FBXO21: variants seen among roughly 807,000 people sequenced by gnomAD.
FBXO21 encodes the protein F-box only protein 21.
A neutral mutation model predicts 76.6 loss-of-function variants in FBXO21; 32 were observed. That is an observed-to-expected ratio of 0.42 (90% confidence interval 0.32 to 0.56). FBXO21 has a LOEUF of 0.56. Among genes scored for constraint, FBXO21 ranks in the 20% least tolerant of loss-of-function variants. The pLI, the probability that FBXO21 is intolerant of heterozygous loss-of-function variation, is 0.16. For synonymous variants in FBXO21, 328 were observed against 311.5 expected (o/e 1.05, Z -0.56); for missense variants, 586 against 797.3 (o/e 0.73, Z 3.19).
At chr12:117,157,120 T>TG (rs1349211666) in intron 10 of FBXO21, among the ~76,000 whole-genome samples, 2 of 150,850 alleles carry the variant, frequency 1.3e-5, no homozygotes, top group African/African-American at 4.9e-5. Context: ...AGGCAGAGGT[T>TG]GCAGGTGAGC....
At chr12:117,161,275 A>G (rs1194535084) in intron 9 of FBXO21, among the ~76,000 whole-genome samples, 4 of 152,112 alleles carry the variant, frequency 2.6e-5, no homozygotes, top group Admixed American at 2.6e-4. Flanking sequence ...CACGCAGCAC[A>G]TGCAAAAGAC....
chr12:117,189,060 G>A, intron 2 of FBXO21, 167 bp downstream of exon 2: 1 of 733,814 alleles, frequency 1.4e-6, no homozygotes, highest in Non-Finnish European at 2.2e-6. Context: ...TCGTGTTGTT[G>A]GATAGGAGGA....
intron 9 of FBXO21, among the ~76,000 whole-genome samples, chr12:117,161,318 T>G (rs1001302343): frequency 6.6e-6 from 1 of 150,940 alleles, no homozygotes. Flanking sequence ...ACAGAAAAAG[T>G]AGTGGGTGCA....
Position 117,145,946 on chromosome 12 carries a change from G to C in FBXO21, c.*141C>G, listed in dbSNP as rs974263649. 18 of 594,402 alleles carry C rather than the reference G, an allele frequency of 3.0e-5. No individual in the cohort carries two copies. The highest frequency in any genetic ancestry group is 4.3e-5 in the Non-Finnish European group (15 of 347,650). 36.8% of individuals were successfully genotyped at this position (594,402 alleles called of 1,614,324 possible). ...GAAGAGCACACGGTATTTAAACTTA[G>C]TAGGAGGCAACCAGCACTACTGGTG... On this transcript the variant is annotated 3_prime_UTR_variant, in exon 12 of 12. Transcript: ENST00000622495.
At chr12:117,165,234 G>A (rs1956039992) in intron 9 of FBXO21, among the ~76,000 whole-genome samples, 1 of 152,152 alleles carries the variant, frequency 6.6e-6, no homozygotes, top group South Asian at 2.1e-4. Flanking sequence ...TGAGTAGCGG[G>A]TACAGAGGCT....
chr12:117,157,849 G>A lies in FBXO21; in HGVS notation c.1517+24C>T, dbSNP rs368298714. 6.4e-6 allele frequency: 10 copies of A among 1,573,754 alleles called. No homozygotes were observed. In the African/African-American group the frequency reaches 1.2e-4, roughly 19 times the overall value. ...CAGCCCCTCTGGAACGGACACTGCA[G>A]GACAGATGATCCCGGGCACTCACCT... is the stretch of plus-strand genomic sequence containing the variant. On this transcript the variant is annotated intron_variant, in intron 10 of 11. Transcript: ENST00000622495.
intron 3 of FBXO21, among the ~76,000 whole-genome samples, chr12:117,183,147 C>T (rs1006183998): frequency 1.1e-4 from 16 of 151,948 alleles, no homozygotes; most frequent in Non-Finnish European, 1.5e-4. Flanking sequence ...GTAACCTATT[C>T]GTATTTATTT....
intron 4 of FBXO21, 52 bp downstream of exon 4, chr12:117,177,468 A>G: frequency 2.6e-6 from 4 of 1,545,698 alleles, no homozygotes; most frequent in Non-Finnish European, 3.5e-6. Context: ...TTAAAAAACT[A>G]ATCAGTTACC....
rs536179232 is a variant in FBXO21 at position 117,178,969 on chromosome 12, A to T, written c.471-1328T>A. Among the ~76,000 whole-genome samples, 4 of 152,266 alleles carry T rather than the reference A, an allele frequency of 2.6e-5. No homozygotes were observed. The East Asian group carries it at 7.7e-4, about 29-fold the overall frequency. Reference sequence around the variant, plus strand: ...TAGAATAGCATCTGGCACATAGTAGATGTTCCATAACACTTGTTGAGTGGA... The same window carrying T: ...TAGAATAGCATCTGGCACATAGTAGTTGTTCCATAACACTTGTTGAGTGGA... On this transcript the variant is annotated intron_variant, in intron 3 of 11. Coordinates refer to ENST00000622495, the MANE Select transcript of FBXO21 (RefSeq NM_015002.3).
rs191219877 is a variant in FBXO21, at chr12:117,175,130, T to G, written c.593-333A>C. 1.9e-3 allele frequency among the ~76,000 whole-genome samples: 292 copies of G among 152,250 alleles called. 2 individuals carry two copies. Among genetic ancestry groups the G allele is most frequent in the Middle Eastern group, 6.8e-3 (2 of 294 alleles). ...AGGAGATCTTTTCAAGCTACTTCTC[T>G]CTCCCTAGCTGTTATAGGTTCCAAA... On this transcript the variant is annotated intron_variant, in intron 4 of 11. Transcript: ENST00000622495.
Position 117,143,757 on chromosome 12 carries a change from C to T in FBXO21, c.*2330G>A, listed in dbSNP as rs1172560736. 6.6e-6 allele frequency: 1 copy of T among 152,596 alleles called. No homozygotes were observed. The highest frequency in any genetic ancestry group is 1.5e-5 in the Non-Finnish European group (1 of 68,032). 9.5% of individuals were successfully genotyped at this position (152,596 alleles called of 1,614,324 possible). On this transcript the variant is annotated 3_prime_UTR_variant, in exon 12 of 12. Transcript: ENST00000622495. ...CATGGCTGGGCTTTCTGTCCTCAAA[C>T]GAAATTGGGCAGGCCATTTGCGTGG...
intron 9 of FBXO21, among the ~76,000 whole-genome samples, chr12:117,160,871 T>C (rs1252112101): frequency 6.6e-6 from 1 of 152,194 alleles, no homozygotes; most frequent in Non-Finnish European, 1.5e-5. Flanking sequence ...TGGCCTCAAG[T>C]GATCCACCTG....
intron 6 of FBXO21, among the ~76,000 whole-genome samples, chr12:117,173,885 T>C (rs942892551): frequency 3.3e-5 from 5 of 152,172 alleles, no homozygotes; most frequent in African/African-American, 1.2e-4. Flanking sequence ...GGCTCACACC[T>C]ATAATCCCAG....
At chr12:117,160,103 T>A (rs1955960979) in intron 9 of FBXO21, among the ~76,000 whole-genome samples, 1 of 152,124 alleles carries the variant, frequency 6.6e-6, no homozygotes, top group Non-Finnish European at 1.5e-5. Context: ...CCCTCTAGCC[T>A]AGGGGTTGGT....
intron 7 of FBXO21, among the ~76,000 whole-genome samples, chr12:117,168,578 A>T (rs532690392): frequency 1.3e-5 from 2 of 152,258 alleles, no homozygotes; most frequent in East Asian, 3.9e-4. Context: ...ACAAAAAAAA[A>T]TAAGAATTAC....
chr12:117,186,649 A>G, intron 2 of FBXO21, 78 bp from the exon 3 acceptor site: 1 of 887,934 alleles, frequency 1.1e-6, no homozygotes, highest in Non-Finnish European at 1.8e-6. Flanking sequence ...TTGAGCTGAA[A>G]TAAAGATGTC....
At chr12:117,185,975 T>G (rs761944210) in intron 3 of FBXO21, among the ~76,000 whole-genome samples, 1 of 152,146 alleles carries the variant, frequency 6.6e-6, no homozygotes, top group Admixed American at 6.5e-5. Context: ...CGGGTTCAAA[T>G]GATTCTTCTG....
rs539585097 is a variant in FBXO21 at position 117,158,026 on chromosome 12, G to A, written c.1364C>T (p.Pro455Leu). The A allele has an allele frequency of 3.7e-6, 6 of 1,614,240 alleles. No individual in the cohort carries two copies. Among genetic ancestry groups the A allele is most frequent in the African/African-American group, 1.3e-5 (1 of 75,060 alleles). Residue 455 changes from proline (P) to leucine (L), a missense_variant, in exon 10 of 12, where the codon CCG (proline) becomes CTG (leucine). Transcript: ENST00000622495. ...GTAGCCCACCGCCCCGTGCTGCCCC[G>A]GGTCTAGGGTTTGGATGTGCTGGAG... ...DILQHIQTLD[P>L]GQHGAVGYLV... is the part of the protein sequence containing the mutation.
In FBXO21 at chr12:117,186,294, T is replaced by G. The variant is rs184511048; in HGVS notation, c.470+183A>C. On this transcript the variant is annotated intron_variant, in intron 3 of 11. Transcript: ENST00000622495. Reference sequence around the variant, plus strand: ...CTTTCCAAAAGGATTTTTGTAAGGTTTCTTTATATGTCAATTGTCTTGGTG... The same window carrying G: ...CTTTCCAAAAGGATTTTTGTAAGGTGTCTTTATATGTCAATTGTCTTGGTG... Among the ~76,000 whole-genome samples the G allele has an allele frequency of 2.0e-4, 31 of 152,368 alleles. No individual in the cohort carries two copies. In the East Asian group the frequency reaches 5.0e-3, roughly 25 times the overall value.
Sources: gnomAD v4.1 joint callset for allele counts (sites outside exome capture counted in the v4.1 genomes callset) on GRCh38, gnomAD v4.1.1 for gene constraint, MANE v1.5 for transcripts, NCBI Gene and HGNC (gene_info 2026-07-23, HGNC 2026-07-21) for gene names.